Variants in CDH3 observed in about 807,000 individuals in gnomAD.
The protein encoded by CDH3 is cadherin-3.
In CDH3, 54 loss-of-function variants were observed where a neutral mutation model predicts 82.0. The observed-to-expected ratio is 0.66, with a 90% CI of 0.53 to 0.83. The LOEUF is 0.83. Among genes scored for constraint, CDH3 ranks in the 40% least tolerant of loss-of-function variants. The probability of loss-of-function intolerance (pLI) is 0.00; values close to 1 mark genes in which losing one functional copy is unlikely to be tolerated. For synonymous variants in CDH3, 446 were observed against 437.9 expected (o/e 1.02, Z -0.23); for missense variants, 1,054 against 1,084.6 (o/e 0.97, Z 0.40).
At chr16:68,685,015 C>T (rs1287183980) in intron 10 of CDH3, among the ~76,000 whole-genome samples, 190 bp from the exon 11 acceptor site, 2 of 152,162 alleles carry the variant, frequency 1.3e-5, no homozygotes, top group African/African-American at 4.8e-5. Context: ...ATTTCTCACT[C>T]TGTCATGTAT....
intron 7 of CDH3, 38 bp from the exon 8 acceptor site, chr16:68,680,930 T>G (rs573280525): frequency 1.2e-6 from 2 of 1,613,266 alleles, no homozygotes; most frequent in African/African-American, 2.7e-5. Context: ...CCCTTCAGAT[T>G]AAACTCACAA....
At chr16:68,729,885 C>T (rs201441655), downstream of CDH3, among the ~76,000 whole-genome samples, 3 of 152,198 alleles carry the variant, frequency 2.0e-5, no homozygotes, top group Non-Finnish European at 2.9e-5. Context: ...CCTCCTGCCT[C>T]GACCTCCTAA....
downstream of CDH3, among the ~76,000 whole-genome samples, chr16:68,732,050 TG>T (rs924123831): frequency 1.9e-5 from 2 of 107,910 alleles, no homozygotes; most frequent in East Asian, 2.6e-4. Flanking sequence ...GAAATAAAAC[TG>T]TTTTTTTTTT....
In CDH3 at chr16:68,708,094, G is replaced by A. The variant is rs527653683; in HGVS notation, c.99+12171G>A. 4.6e-5 allele frequency among the ~76,000 whole-genome samples: 7 copies of A among 152,206 alleles called. No homozygotes were observed. In the East Asian group the frequency reaches 7.7e-4, roughly 17 times the overall value. On this transcript the variant is annotated intron_variant, in intron 1 of 2. Coordinates refer to the CDH3 transcript ENST00000569080. ...TGTAATCTCAGCAGTTTGGGAGGCCGAGGCGGGCCGGTCACTTGAGGCCAG... is the reference window on the plus strand; with the variant it reads ...TGTAATCTCAGCAGTTTGGGAGGCCAAGGCGGGCCGGTCACTTGAGGCCAG...
chr16:68,659,501 G>C (rs1960500913), intron 2 of CDH3, among the ~76,000 whole-genome samples: 1 of 151,840 alleles, frequency 6.6e-6, no homozygotes. Flanking sequence ...CTTGAACCTG[G>C]GAGATGGAGG....
At chr16:68,678,373 A>G in intron 4 of CDH3, 96 bp downstream of exon 4, 1 of 1,586,774 alleles carries the variant, frequency 6.3e-7, no homozygotes, top group Non-Finnish European at 8.7e-7. Flanking sequence ...GTGGGGGCTG[A>G]GACAGAAAAA....
At chr16:68,646,640 A>G (rs1960080666) in intron 2 of CDH3, among the ~76,000 whole-genome samples, 1 of 147,752 alleles carries the variant, frequency 6.8e-6, no homozygotes, top group Non-Finnish European at 1.5e-5. Context: ...GGTTAAGAGG[A>G]CAATGGATGG....
chr16:68,678,777 G>T lies in CDH3; in HGVS notation c.562G>T (p.Val188Leu), dbSNP rs764034100. 2.5e-6 allele frequency: 4 copies of T among 1,614,196 alleles called. No individual in the cohort carries two copies. The highest frequency in any genetic ancestry group is 3.4e-6 in the Non-Finnish European group (4 of 1,180,036). The change falls in exon 6 of 16, where the codon GTG becomes TTG. Residue 188 changes from valine (V) to leucine (L), a missense_variant. Val to Leu is a conservative substitution (Grantham distance 32). Transcript: ENST00000264012. ...TACCCCACAGCTCTTTGGCCACGCT[G>T]TGTCAGAGAATGGTGCCTCAGTGGA... is the stretch of plus-strand genomic sequence containing the variant. ...IAKYELFGHAVSENGASVEDP... is the reference protein window; with the variant it reads ...IAKYELFGHALSENGASVEDP...
At chr16:68,704,152 T>C (rs1265383411), downstream of CDH3, among the ~76,000 whole-genome samples, 1 of 151,068 alleles carries the variant, frequency 6.6e-6, no homozygotes, top group Non-Finnish European at 1.5e-5. Context: ...CCGGGCGTGG[T>C]GGCGGGCGCC....
At chr16:68,645,835 GC>G in intron 2 of CDH3, 85 bp downstream of exon 2, 1 of 1,023,322 alleles carries the variant, frequency 9.8e-7, no homozygotes. Flanking sequence ...TCGGGCCGGG[GC>G]AAGGGACTCC....
chr16:68,655,131 C>T (rs891309601), intron 2 of CDH3, among the ~76,000 whole-genome samples: 1 of 152,158 alleles, frequency 6.6e-6, no homozygotes, highest in African/African-American at 2.4e-5. Flanking sequence ...CTTGCCTCAC[C>T]CTCCCAAAGT....
intron 12 of CDH3, among the ~76,000 whole-genome samples, chr16:68,689,016 ACAGTATTGAT>A (rs1190036265): frequency 1.3e-5 from 2 of 152,222 alleles, no homozygotes; most frequent in African/African-American, 4.8e-5. Context: ...AATACCTGTA[ACAGTATTGAT>A]CAGTATTGAT....
At chr16:68,673,510 G>T (rs995747809) in intron 2 of CDH3, among the ~76,000 whole-genome samples, 1 of 150,018 alleles carries the variant, frequency 6.7e-6, no homozygotes, top group Non-Finnish European at 1.5e-5. Context: ...TCTTGCTGGA[G>T]TACAGTGGCG....
At chr16:68,710,086 T>C (rs1349192019) in intron 1 of CDH3, among the ~76,000 whole-genome samples, 2 of 152,160 alleles carry the variant, frequency 1.3e-5, no homozygotes, top group African/African-American at 4.8e-5. Context: ...TTGGTTACAT[T>C]GGGGGAAGGA....
rs745424978 is a variant in CDH3, at chr16:68,645,651, T to G, written c.61T>G (p.Cys21Gly). ...TCGGGCGCAGGTTTGCTGGCTGCAG[T>G]GCGCGGCCTCCGAGCCGTGCCGGGC... ...LLLLQVCWLQ[C>G]AASEPCRAVF... Residue 21 changes from cysteine to glycine, a missense_variant, in exon 2 of 16, where the codon TGC becomes GGC. Coordinates refer to ENST00000264012, the MANE Select transcript of CDH3 (RefSeq NM_001793.6). 3.2e-6 allele frequency: 5 copies of G among 1,542,492 alleles called. No homozygotes were observed. Among genetic ancestry groups the G allele is most frequent in the Non-Finnish European group, 4.4e-6 (5 of 1,146,582 alleles).
downstream of CDH3, among the ~76,000 whole-genome samples, chr16:68,731,870 A>C (rs1253404951): frequency 6.6e-6 from 1 of 152,058 alleles, no homozygotes; most frequent in Non-Finnish European, 1.5e-5. Flanking sequence ...CTGCAAAGAC[A>C]AAAATAAAAA....
At chr16:68,677,605 G>A (rs1961067351) in intron 3 of CDH3, among the ~76,000 whole-genome samples, 1 of 152,200 alleles carries the variant, frequency 6.6e-6, no homozygotes, top group Admixed American at 6.5e-5. Flanking sequence ...GGGCGTGGTG[G>A]CAGATGCCTG....
chr16:68,663,578 C>T (rs1048689482), intron 2 of CDH3, among the ~76,000 whole-genome samples: 1 of 151,840 alleles, frequency 6.6e-6, no homozygotes, highest in Non-Finnish European at 1.5e-5. Flanking sequence ...TATGCTGTTG[C>T]ATTTTTAAGA....
intron 13 of CDH3, among the ~76,000 whole-genome samples, chr16:68,693,066 T>C (rs941222024): frequency 6.6e-6 from 1 of 152,140 alleles, no homozygotes; most frequent in African/African-American, 2.4e-5. Flanking sequence ...ATCACACCAT[T>C]GCACTCCAGC....
Sources: gnomAD v4.1 joint callset for allele counts (sites outside exome capture counted in the v4.1 genomes callset) on GRCh38, gnomAD v4.1.1 for gene constraint, MANE v1.5 for transcripts, NCBI Gene and HGNC (gene_info 2026-07-23, HGNC 2026-07-21) for gene names.